The following TENM2 variants were observed in gnomAD, a reference collection of about 807,000 sequenced individuals.
TENM2 encodes the protein teneurin-2.
A neutral mutation model predicts 245.2 loss-of-function variants in TENM2; 52 were observed. The observed-to-expected ratio is 0.21, with a 90% CI of 0.17 to 0.27. The LOEUF is 0.27. TENM2 is among the 10% of genes least tolerant of loss of function. The pLI is 1.00. For missense variants in TENM2, 3,046 were observed against 3,666.8 expected, an observed-to-expected ratio of 0.83 and a Z score of 4.37; for synonymous variants, 1,363 against 1,438.9, an observed-to-expected ratio of 0.95 and a Z score of 1.19.
chr5:168,137,958 C>A (rs1165730625), intron 12 of TENM2, among the ~76,000 whole-genome samples: 1 of 152,182 alleles, frequency 6.6e-6, no homozygotes, highest in African/African-American at 2.4e-5. Flanking sequence ...CAACAGTCTA[C>A]CCAGGATTAA....
chr5:167,869,003 A>G (rs760385163), intron 2 of TENM2, among the ~76,000 whole-genome samples: 2 of 152,152 alleles, frequency 1.3e-5, no homozygotes, highest in Non-Finnish European at 2.9e-5. Context: ...AGCTGTTAAT[A>G]TCATCAGAGA....
chr5:167,617,549 C>A (rs1777869533), intron 2 of TENM2, among the ~76,000 whole-genome samples: 1 of 152,120 alleles, frequency 6.6e-6, no homozygotes, highest in African/African-American at 2.4e-5. Context: ...TAAATTAATT[C>A]TGTTTTAGTA....
At chr5:167,601,655 T>C (rs1056078958) in intron 2 of TENM2, among the ~76,000 whole-genome samples, 1 of 152,252 alleles carries the variant, frequency 6.6e-6, no homozygotes, top group African/African-American at 2.4e-5. Flanking sequence ...CTTTAATTTA[T>C]GTCTGGAATA....
chr5:168,197,315 AT>A (rs1196312233), intron 15 of TENM2, among the ~76,000 whole-genome samples: 2 of 152,158 alleles, frequency 1.3e-5, no homozygotes, highest in African/African-American at 4.8e-5. Context: ...AGTCAAGTAT[AT>A]TTTTACCGAG....
intron 1 of TENM2, among the ~76,000 whole-genome samples, chr5:167,352,742 C>A (rs1759003124): frequency 6.6e-6 from 1 of 152,178 alleles, no homozygotes; most frequent in Non-Finnish European, 1.5e-5. Flanking sequence ...TAGCTAATAA[C>A]GTCTTTGTGA....
intron 2 of TENM2, among the ~76,000 whole-genome samples, chr5:167,476,901 T>C (rs1767422635): frequency 6.6e-6 from 1 of 152,160 alleles, no homozygotes; most frequent in South Asian, 2.1e-4. Context: ...GCCCAGCCAA[T>C]AGCTGATTTC....
chr5:167,336,209 G>GC (rs1757746002), intron 1 of TENM2, among the ~76,000 whole-genome samples: 1 of 142,178 alleles, frequency 7.0e-6, no homozygotes, highest in African/African-American at 2.6e-5. Flanking sequence ...TTCCGGTCAG[G>GC]GTAAGGGTCT....
At chr5:168,012,972 C>G (rs1315322510) in intron 5 of TENM2, among the ~76,000 whole-genome samples, 1 of 152,036 alleles carries the variant, frequency 6.6e-6, no homozygotes, top group Non-Finnish European at 1.5e-5. Context: ...GGTTTCCTGC[C>G]TCATTGTCTA....
chr5:167,079,421 C>T, the TENM2 span, among the ~76,000 whole-genome samples: 8 of 150,946 alleles, frequency 5.3e-5, no homozygotes, highest in East Asian at 1.4e-3. Flanking sequence ...TCAAGAGATT[C>T]TCCTGTCTCA....
chr5:167,630,074 T>C (rs1778765656), intron 2 of TENM2, among the ~76,000 whole-genome samples: 1 of 152,098 alleles, frequency 6.6e-6, no homozygotes, highest in Non-Finnish European at 1.5e-5. Flanking sequence ...ATTTCTTTTT[T>C]CTTCTTCATA....
chr5:167,065,744 A>G, the TENM2 span, among the ~76,000 whole-genome samples: 1 of 152,188 alleles, frequency 6.6e-6, no homozygotes, highest in Admixed American at 6.6e-5. Flanking sequence ...AGCCCATTTA[A>G]AGGTGATCCA....
intron 2 of TENM2, among the ~76,000 whole-genome samples, chr5:167,863,544 TG>T (rs1772028137): frequency 6.6e-6 from 1 of 152,098 alleles, no homozygotes; most frequent in Non-Finnish European, 1.5e-5. Context: ...ATTGGGAGGC[TG>T]AGGCAGGGGA....
At chr5:167,893,080 T>A (rs1363204) in intron 3 of TENM2, among the ~76,000 whole-genome samples, 16,672 of 152,144 alleles carry the variant, frequency 0.11, 1,423 homozygotes, top group East Asian at 0.42. Flanking sequence ...TTGGCTAGGT[T>A]TCTTCTTGTC....
the TENM2 span, among the ~76,000 whole-genome samples, chr5:167,254,768 G>C: frequency 6.6e-6 from 1 of 152,198 alleles, no homozygotes; most frequent in East Asian, 1.9e-4. Flanking sequence ...TTTTTGTATA[G>C]AGGGCAAGTG....
the TENM2 span, among the ~76,000 whole-genome samples, chr5:167,268,664 T>C: frequency 3.0e-3 from 452 of 152,278 alleles, 12 homozygotes; most frequent in East Asian, 0.057. Context: ...GCTGGCTGTT[T>C]TTGTAAATAA....
intron 1 of TENM2, among the ~76,000 whole-genome samples, chr5:167,344,275 C>T (rs964705564): frequency 7.2e-6 from 1 of 139,162 alleles, no homozygotes; most frequent in East Asian, 2.0e-4. Flanking sequence ...AACACATGCA[C>T]GTGCACGCAC....
intron 2 of TENM2, among the ~76,000 whole-genome samples, chr5:167,655,224 G>A (rs912948442): frequency 6.6e-6 from 1 of 152,148 alleles, no homozygotes; most frequent in African/African-American, 2.4e-5. Flanking sequence ...CAGACAGGAA[G>A]CAAGACAGCT....
chr5:167,703,222 G>C (rs1002205451), intron 2 of TENM2, among the ~76,000 whole-genome samples: 3 of 152,056 alleles, frequency 2.0e-5, no homozygotes, highest in Admixed American at 2.0e-4. Flanking sequence ...TATAGTAAGT[G>C]GTATACAGCC....
At chr5:167,517,287 A>C (rs935881647) in intron 2 of TENM2, among the ~76,000 whole-genome samples, 2 of 152,180 alleles carry the variant, frequency 1.3e-5, no homozygotes, top group African/African-American at 4.8e-5. Flanking sequence ...ATATGTTTAT[A>C]ATTTAGTGAC....
Sources: gnomAD v4.1 joint callset for allele counts (sites outside exome capture counted in the v4.1 genomes callset) on GRCh38, gnomAD v4.1.1 for gene constraint, MANE v1.5 for transcripts, NCBI Gene and HGNC (gene_info 2026-07-23, HGNC 2026-07-21) for gene names.